CYRIA: variants seen among roughly 807,000 people sequenced by gnomAD.
The protein encoded by CYRIA is CYFIP related Rac1 interactor A.
A neutral mutation model predicts 43.9 loss-of-function variants in CYRIA; 15 were observed. That is an observed-to-expected ratio of 0.34 (90% confidence interval 0.23 to 0.53). The LOEUF (loss-of-function observed/expected upper bound fraction) is 0.53, where lower values mean the gene tolerates loss of function less well. CYRIA is among the 20% of genes least tolerant of loss of function. The pLI, the probability that CYRIA is intolerant of heterozygous loss-of-function variation, is 0.94. For synonymous variants in CYRIA, 117 were observed against 136.0 expected (o/e 0.86, Z 0.97); for missense variants, 236 against 394.2 (o/e 0.60, Z 3.40).
At chr2:16,643,267 C>T (rs1669728431) in intron 1 of CYRIA, among the ~76,000 whole-genome samples, 1 of 152,150 alleles carries the variant, frequency 6.6e-6, no homozygotes, top group African/African-American at 2.4e-5. Flanking sequence ...GTCGTTCATC[C>T]TTGAACCGTA....
At chr2:16,639,991 GAAGA>G (rs1357307184) in intron 1 of CYRIA, among the ~76,000 whole-genome samples, 16 of 152,132 alleles carry the variant, frequency 1.1e-4, no homozygotes, top group African/African-American at 3.9e-4. Context: ...CTTTTAAATT[GAAGA>G]GGCAGCATAT....
At chr2:16,619,595 C>T (rs1668929271) in intron 2 of CYRIA, among the ~76,000 whole-genome samples, 1 of 152,164 alleles carries the variant, frequency 6.6e-6, no homozygotes, top group Admixed American at 6.5e-5. Flanking sequence ...ATTCCTCCTC[C>T]TTTCTACTTC....
At chr2:16,658,824 T>C (rs1670177901) in intron 1 of CYRIA, among the ~76,000 whole-genome samples, 1 of 152,138 alleles carries the variant, frequency 6.6e-6, no homozygotes, top group Admixed American at 6.5e-5. Context: ...AGCAGGGGTG[T>C]TCATCAGCAT....
At chr2:16,622,436 G>A (rs1271036691) in intron 2 of CYRIA, among the ~76,000 whole-genome samples, 1 of 152,152 alleles carries the variant, frequency 6.6e-6, no homozygotes, top group Non-Finnish European at 1.5e-5. Flanking sequence ...TGTGGACAAG[G>A]CCTGTCCTAG....
intron 10 of CYRIA, among the ~76,000 whole-genome samples, chr2:16,556,356 C>A (rs546228445): frequency 2.6e-5 from 4 of 152,078 alleles, no homozygotes; most frequent in East Asian, 1.9e-4. Flanking sequence ...GTATATGCCA[C>A]CCCAGACCTG....
chr2:16,617,896 G>C (rs1035672657), intron 2 of CYRIA, among the ~76,000 whole-genome samples: 3 of 152,176 alleles, frequency 2.0e-5, no homozygotes, highest in Admixed American at 2.0e-4. Flanking sequence ...AGGGAGGAGG[G>C]CTGACCAAGG....
intron 3 of CYRIA, among the ~76,000 whole-genome samples, chr2:16,570,158 CTTTAT>C (rs1331263291): frequency 6.6e-6 from 1 of 151,952 alleles, no homozygotes; most frequent in Non-Finnish European, 1.5e-5. Flanking sequence ...CCCAAAATGA[CTTTAT>C]TTTATTTTTT....
At position 16,552,977 on chromosome 2, in the gene CYRIA, C is replaced by T. The variant is rs1666367206; in HGVS notation, c.931G>A (p.Asp311Asn). ...ALRFTTKHLN[D>N]ESTSKQIRAM... is the part of the protein sequence containing the mutation. Reference sequence around the variant, plus strand: ...CGAATCTGTTTGGAAGTTGATTCATCGTTCAAGTGCTTTGTAGTGAACCTG... The same window carrying T: ...CGAATCTGTTTGGAAGTTGATTCATTGTTCAAGTGCTTTGTAGTGAACCTG... The change falls in exon 12 of 12, where the codon GAT becomes AAT. Residue 311 changes from aspartate to asparagine, a missense_variant. Physicochemically the swap from Asp to Asn is conservative, Grantham distance 23 (BLOSUM62 1). Transcript: ENST00000381323. 6.2e-7 allele frequency: 1 copy of T among 1,610,114 alleles called. No homozygotes were observed. Among genetic ancestry groups the T allele is most frequent in the Non-Finnish European group, 8.5e-7 (1 of 1,176,558 alleles).
At chr2:16,648,679 G>C (rs1394826731) in intron 1 of CYRIA, among the ~76,000 whole-genome samples, 1 of 152,110 alleles carries the variant, frequency 6.6e-6, no homozygotes, top group Non-Finnish European at 1.5e-5. Flanking sequence ...TTACTGTCTT[G>C]GGTTCCCAGA....
At chr2:16,578,399 A>G (rs1667428261) in intron 3 of CYRIA, among the ~76,000 whole-genome samples, 1 of 152,254 alleles carries the variant, frequency 6.6e-6, no homozygotes, top group Admixed American at 6.5e-5. Flanking sequence ...CCAGAAAAGT[A>G]AAGATTAATA....
At chr2:16,623,825 G>A (rs777069881) in intron 2 of CYRIA, 39 bp downstream of exon 2, 4 of 152,202 alleles carry the variant, frequency 2.6e-5, no homozygotes, top group Non-Finnish European at 5.9e-5. Context: ...ATGGTTATCA[G>A]TGTGCTACAC....
At chr2:16,660,270 TC>T (rs1396064880) in intron 1 of CYRIA, among the ~76,000 whole-genome samples, 1 of 152,166 alleles carries the variant, frequency 6.6e-6, no homozygotes, top group African/African-American at 2.4e-5. Context: ...GATCTGCTCT[TC>T]CCTTACGAGG....
intron 2 of CYRIA, among the ~76,000 whole-genome samples, chr2:16,605,092 T>C (rs1030490732): frequency 6.6e-6 from 1 of 151,280 alleles, no homozygotes; most frequent in Non-Finnish European, 1.5e-5. Flanking sequence ...TACAAGCTGC[T>C]AGAGTCCAGT....
chr2:16,617,511 T>G (rs1011628650), intron 2 of CYRIA, among the ~76,000 whole-genome samples: 6 of 152,212 alleles, frequency 3.9e-5, no homozygotes, highest in Admixed American at 3.3e-4. Context: ...GAGAGAGAAC[T>G]GAAACCAAGG....
intron 1 of CYRIA, among the ~76,000 whole-genome samples, chr2:16,628,582 T>G (rs895622468): frequency 1.3e-5 from 2 of 152,182 alleles, no homozygotes; most frequent in Non-Finnish European, 2.9e-5. Flanking sequence ...TTGGGGTGAT[T>G]TAATGGTTTA....
intron 3 of CYRIA, among the ~76,000 whole-genome samples, chr2:16,578,450 G>A (rs1572474622): frequency 1.3e-5 from 2 of 152,142 alleles, no homozygotes; most frequent in African/African-American, 2.4e-5. Context: ...ATGTACAGAC[G>A]AGGATCCTAA....
intron 1 of CYRIA, among the ~76,000 whole-genome samples, chr2:16,636,371 G>A (rs76534510): frequency 6.6e-6 from 1 of 152,324 alleles, no homozygotes; most frequent in Non-Finnish European, 1.5e-5. Context: ...AGAACTGTGA[G>A]CAGATTAATG....
At chr2:16,636,163 C>T (rs756894132) in intron 1 of CYRIA, among the ~76,000 whole-genome samples, 2 of 152,060 alleles carry the variant, frequency 1.3e-5, no homozygotes, top group Admixed American at 1.3e-4. Context: ...TGCAAGACTC[C>T]GGATTCTGAG....
chr2:16,627,445 T>C (rs1043906435), intron 1 of CYRIA, among the ~76,000 whole-genome samples: 18 of 152,228 alleles, frequency 1.2e-4, no homozygotes, highest in African/African-American at 4.8e-5. Flanking sequence ...GTACTTACTG[T>C]GTGTTGGGCT....
Sources: gnomAD v4.1 joint callset for allele counts (sites outside exome capture counted in the v4.1 genomes callset) on GRCh38, gnomAD v4.1.1 for gene constraint, MANE v1.5 for transcripts, NCBI Gene and HGNC (gene_info 2026-07-23, HGNC 2026-07-21) for gene names.